Variants in SEC16B observed in about 807,000 individuals in gnomAD.
SEC16B encodes SEC16 homolog B, endoplasmic reticulum export factor, also known as protein transport protein Sec16B.
A neutral mutation model predicts 141.8 loss-of-function variants in SEC16B; 115 were observed. The observed-to-expected ratio is 0.81, with a 90% confidence interval of 0.70 to 0.95. SEC16B has a LOEUF of 0.95. SEC16B is among the 40% of genes least tolerant of loss of function. The pLI is 0.00. For missense variants in SEC16B, 1,291 were observed against 1,312.3 expected, an observed-to-expected ratio of 0.98 and a Z score of 0.25; for synonymous variants, 493 against 492.5, an observed-to-expected ratio of 1.00 and a Z score of -0.01.
intron 2 of SEC16B, 136 bp downstream of exon 2, chr1:177,967,547 C>G: frequency 2.3e-6 from 2 of 875,512 alleles, no homozygotes; most frequent in Non-Finnish European, 3.3e-6. Context: ...CAGGATTTAG[C>G]TAAAGCCACG....
chr1:177,949,510 C>T (rs912310002), intron 12 of SEC16B, among the ~76,000 whole-genome samples: 10 of 150,550 alleles, frequency 6.6e-5, no homozygotes, highest in Admixed American at 1.3e-4. Flanking sequence ...AATGGAGAGG[C>T]GGAGGGGACA....
intron 2 of SEC16B, among the ~76,000 whole-genome samples, chr1:177,966,758 A>G (rs1295471588): frequency 2.6e-5 from 4 of 152,004 alleles, no homozygotes; most frequent in Non-Finnish European, 5.9e-5. Context: ...TATTTTTAGT[A>G]GAGGCGGGGT....
intron 2 of SEC16B, among the ~76,000 whole-genome samples, chr1:177,967,094 C>A (rs1653585956): frequency 6.6e-6 from 1 of 152,140 alleles, no homozygotes; most frequent in African/African-American, 2.4e-5. Flanking sequence ...GACCTCACTG[C>A]AACCTCTTCC....
chr1:177,966,854 C>T (rs759866345), intron 2 of SEC16B, among the ~76,000 whole-genome samples: 13 of 152,264 alleles, frequency 8.5e-5, no homozygotes, highest in Non-Finnish European at 1.6e-4. Flanking sequence ...GGATTACAGG[C>T]GTGATCCAGG....
chr1:177,979,404 G>A (rs186016391), intron 1 of SEC16B, among the ~76,000 whole-genome samples: 16 of 152,274 alleles, frequency 1.1e-4, no homozygotes, highest in African/African-American at 3.1e-4. Context: ...GAAATGGCCC[G>A]TGTGTGTACA....
Position 177,932,480 on chromosome 1 carries a change from G to A in SEC16B, c.3012+10C>T, listed in dbSNP as rs540124813. The A allele has an allele frequency of 1.3e-6, 2 of 1,524,894 alleles. No homozygotes were observed. Among genetic ancestry groups the A allele is most frequent in the African/African-American group, 1.4e-5 (1 of 72,174 alleles). 94.5% of individuals were successfully genotyped at this position (1,524,894 alleles called of 1,614,324 possible). The stretch of plus-strand genomic sequence containing the variant: ...GGGGTCCGAGGCTCCAGCCCAGGGG[G>A]GCCGCTTACCTCTGGTCCAGACAAG... On this transcript the variant is annotated intron_variant, in intron 24 of 25. Coordinates refer to ENST00000308284, the MANE Select transcript of SEC16B (RefSeq NM_033127.4).
chr1:177,959,363 T>C (rs1652886750), intron 8 of SEC16B: 1 of 260,082 alleles, frequency 3.8e-6, no homozygotes, highest in Non-Finnish European at 7.6e-6. Context: ...ATAGGGACAG[T>C]AAAAGGACCT....
intron 9 of SEC16B, 197 bp from the exon 10 acceptor site, chr1:177,958,559 G>T (rs932498564): frequency 3.3e-5 from 20 of 605,828 alleles, no homozygotes; most frequent in Non-Finnish European, 5.6e-5. Flanking sequence ...CCTGTCAGGA[G>T]CCATAAAGCT....
chr1:177,948,280 C>T, intron 12 of SEC16B: 2 of 1,216,776 alleles, frequency 1.6e-6, no homozygotes, highest in Non-Finnish European at 2.1e-6. Context: ...CTCAGAAAAA[C>T]CCTGAGGCTT....
intron 2 of SEC16B, 25 bp from the exon 3 acceptor site, chr1:177,966,030 T>C: frequency 7.2e-7 from 1 of 1,394,912 alleles, no homozygotes; most frequent in Non-Finnish European, 1.0e-6. Flanking sequence ...AGAAGACTGG[T>C]CAGTTGAGGA....
At chr1:177,948,663 G>A in intron 12 of SEC16B, 1 of 1,273,048 alleles carries the variant, frequency 7.9e-7, no homozygotes. Flanking sequence ...GAATTTCAAG[G>A]CAGAAAATAT....
Position 177,933,277 on chromosome 1 carries a change from C to A in SEC16B, c.2760G>T (p.Ser920=). The change falls in exon 22 of 26, where the codon TCG becomes TCT. Residue 920 remains serine (S), a synonymous_variant. Transcript: ENST00000308284. ...CGGGGGATGCGTTCTTGGTGGGCTT[C>A]GATCGAAACCAGCTGAACCAGCCAA... The part of the protein sequence containing the change: ...SGFGWFSWFR[S]KPTKNASPAG... The A allele has an allele frequency of 1.9e-6, 3 of 1,600,542 alleles. No homozygotes were observed. The highest frequency in any genetic ancestry group is 4.5e-5 in the East Asian group (2 of 44,270).
chr1:177,977,410 C>T (rs1204802338), intron 1 of SEC16B, among the ~76,000 whole-genome samples: 1 of 152,210 alleles, frequency 6.6e-6, no homozygotes, highest in Non-Finnish European at 1.5e-5. Flanking sequence ...AGAACTTCAA[C>T]TACTCTCTAT....
At chr1:177,946,075 C>T in intron 14 of SEC16B, 1 of 547,826 alleles carries the variant, frequency 1.8e-6, no homozygotes, top group East Asian at 3.0e-5. Flanking sequence ...CTAACACGGA[C>T]CCACAAGCCT....
At chr1:177,965,850 C>G in intron 3 of SEC16B, 43 bp downstream of exon 3, 1 of 1,272,744 alleles carries the variant, frequency 7.9e-7, no homozygotes, top group East Asian at 2.5e-5. Context: ...GACCAGCTGC[C>G]CCATCCCCAA....
intron 20 of SEC16B, among the ~76,000 whole-genome samples, chr1:177,935,196 G>T (rs565328430): frequency 6.6e-6 from 1 of 152,220 alleles, no homozygotes; most frequent in East Asian, 1.9e-4. Flanking sequence ...TGCCTGGCGC[G>T]TATAGTTGTC....
intron 8 of SEC16B, chr1:177,959,280 T>A (rs961733588): frequency 2.9e-5 from 11 of 384,570 alleles, no homozygotes; most frequent in Non-Finnish European, 3.9e-5. Flanking sequence ...ACCCTGGATC[T>A]AAATCTGGCT....
chr1:177,946,611 A>G (rs1278458081), intron 13 of SEC16B, 80 bp from the exon 14 acceptor site: 3 of 1,105,710 alleles, frequency 2.7e-6, no homozygotes, highest in Admixed American at 2.1e-5. Context: ...TGGGAGACAG[A>G]TGGAAGAGTG....
chr1:177,948,724 G>T, intron 12 of SEC16B: 1 of 1,205,646 alleles, frequency 8.3e-7, no homozygotes. Context: ...CCCAACTCGA[G>T]TCCTGCATCT....
Sources: gnomAD v4.1 joint callset for allele counts (sites outside exome capture counted in the v4.1 genomes callset) on GRCh38, gnomAD v4.1.1 for gene constraint, MANE v1.5 for transcripts, NCBI Gene and HGNC (gene_info 2026-07-23, HGNC 2026-07-21) for gene names.